The following OCA2 variants were observed in gnomAD, a reference collection of about 807,000 sequenced individuals.
OCA2 encodes P protein.
OCA2 carries 77 observed loss-of-function variants against 100.2 expected under a neutral mutation model. That is an observed-to-expected ratio of 0.77 (90% CI 0.64 to 0.93). The LOEUF is 0.93. OCA2 is among the 40% of genes least tolerant of loss of function. The probability of loss-of-function intolerance (pLI) is 0.00; values close to 1 mark genes in which losing one functional copy is unlikely to be tolerated. For synonymous variants in OCA2, 432 were observed against 439.2 expected (o/e 0.98, Z 0.21); for missense variants, 1,062 against 1,089.1 (o/e 0.98, Z 0.35).
chr15:27,824,600 CTCTATATA>C lies in OCA2; in HGVS notation c.2432+20351_2432+20358del, dbSNP rs1203172890. 3.5e-3 allele frequency among the ~76,000 whole-genome samples: 135 copies of C among 38,508 alleles called. 3 individuals are homozygous for C. Among genetic ancestry groups the C allele is most frequent in the African/African-American group, 0.03 (128 of 4,240 alleles). The allele number at this position is 38,508 out of a possible 152,430, so 25.3% of individuals were successfully genotyped here. On this transcript the variant is annotated intron_variant, in intron 23 of 23. Coordinates refer to ENST00000354638, the MANE Select transcript of OCA2 (RefSeq NM_000275.3). ...AATTTCTCTCTCTCTCTCTCTCTCTCTCTATATATATATATATATATAATATAATATAT... is the reference window on the plus strand; with the variant it reads ...AATTTCTCTCTCTCTCTCTCTCTCTCTATATATATATATAATATAATATAT...
At chr15:28,010,749 G>C (rs1364958487) in intron 9 of OCA2, among the ~76,000 whole-genome samples, 1 of 152,154 alleles carries the variant, frequency 6.6e-6, no homozygotes, top group Non-Finnish European at 1.5e-5. Context: ...CTAAAATGTG[G>C]ATGTCAAAGC....
intron 5 of OCA2, 92 bp from the exon 6 acceptor site, chr15:28,022,665 G>GT: frequency 2.2e-6 from 2 of 905,628 alleles, no homozygotes; most frequent in Non-Finnish European, 1.8e-6. Context: ...CAGATGTGAT[G>GT]ATGGGGCTAC....
At chr15:27,903,985 A>G (rs1400873632) in intron 19 of OCA2, among the ~76,000 whole-genome samples, 1 of 152,220 alleles carries the variant, frequency 6.6e-6, no homozygotes, top group East Asian at 1.9e-4. Context: ...GGGGATTTTT[A>G]AAAATAGTGC....
Position 27,932,385 on chromosome 15 carries a change from T to C in OCA2, c.1952-6131A>G, listed in dbSNP as rs1392909765. ...CAGATGCCTGGGGAAAAGACAAGCATGTAATGCGCCACCTGAGGAATAGGA... is the reference window on the plus strand; with the variant it reads ...CAGATGCCTGGGGAAAAGACAAGCACGTAATGCGCCACCTGAGGAATAGGA... On this transcript the variant is annotated intron_variant, in intron 18 of 23. Transcript: ENST00000354638. Among the ~76,000 whole-genome samples, 4 of 151,856 alleles carry C rather than the reference T, an allele frequency of 2.6e-5. No individual in the cohort carries two copies. The East Asian group carries it at 7.7e-4, about 29-fold the overall frequency.
intron 23 of OCA2, among the ~76,000 whole-genome samples, chr15:27,812,529 TAA>T (rs546950903): frequency 1.3e-5 from 2 of 152,264 alleles, no homozygotes; most frequent in East Asian, 3.9e-4. Flanking sequence ...TATCTTTCAT[TAA>T]AAAAAGATTA....
At chr15:27,990,293 C>T (rs1346777672) in intron 10 of OCA2, among the ~76,000 whole-genome samples, 1 of 152,208 alleles carries the variant, frequency 6.6e-6, no homozygotes, top group Non-Finnish European at 1.5e-5. Context: ...AGCCCCATCA[C>T]AACCCAGCTC....
At position 27,955,148 on chromosome 15, in the gene OCA2, A is replaced by G; in HGVS notation, c.1842+10T>C. 6.2e-7 allele frequency: 1 copy of G among 1,602,150 alleles called. No individual in the cohort carries two copies. Among genetic ancestry groups the G allele is most frequent in the Non-Finnish European group, 8.6e-7 (1 of 1,169,004 alleles). On this transcript the variant is annotated intron_variant, in intron 17 of 23. Coordinates refer to ENST00000354638, the MANE Select transcript of OCA2 (RefSeq NM_000275.3). ...GAATCAGAAATCCCTGAGGAAAGAAAGCTGGGTACCTTTTTTTGGAGTTCT... is the reference window on the plus strand; with the variant it reads ...GAATCAGAAATCCCTGAGGAAAGAAGGCTGGGTACCTTTTTTTGGAGTTCT...
intron 4 of OCA2, among the ~76,000 whole-genome samples, chr15:28,025,722 G>A (rs527673835): frequency 4.6e-5 from 7 of 152,364 alleles, no homozygotes; most frequent in South Asian, 2.1e-4. Context: ...CGGCTGCTCC[G>A]TGAGGGCAGG....
At chr15:27,864,614 T>C (rs1188680510) in intron 21 of OCA2, among the ~76,000 whole-genome samples, 1 of 152,006 alleles carries the variant, frequency 6.6e-6, no homozygotes, top group Non-Finnish European at 1.5e-5. Context: ...AGAAACTGCC[T>C]TCCACCCAGA....
At chr15:27,872,058 C>G in intron 19 of OCA2, 136 bp from the exon 20 acceptor site, 1 of 698,584 alleles carries the variant, frequency 1.4e-6, no homozygotes, top group South Asian at 1.6e-5. Flanking sequence ...AGATCAGACT[C>G]AAATACACAG....
At chr15:27,748,059 G>A in the OCA2 span, among the ~76,000 whole-genome samples, 2 of 152,158 alleles carry the variant, frequency 1.3e-5, no homozygotes, top group East Asian at 3.9e-4. Context: ...ACAGAAGACA[G>A]CCCAGATGGG....
chr15:27,922,640 T>G (rs1232021913), intron 19 of OCA2, among the ~76,000 whole-genome samples: 1 of 152,124 alleles, frequency 6.6e-6, no homozygotes, highest in Non-Finnish European at 1.5e-5. Flanking sequence ...TACAAAAATT[T>G]TATGCATTCA....
At chr15:28,064,851 T>C (rs1285137720) in intron 2 of OCA2, among the ~76,000 whole-genome samples, 1 of 142,470 alleles carries the variant, frequency 7.0e-6, no homozygotes, top group Non-Finnish European at 1.5e-5. Flanking sequence ...TTGTATGTCT[T>C]GGGGTTTTTT....
At chr15:27,930,882 C>G (rs527621685) in intron 18 of OCA2, among the ~76,000 whole-genome samples, 1 of 152,198 alleles carries the variant, frequency 6.6e-6, no homozygotes, top group African/African-American at 2.4e-5. Context: ...CCAGTAAACA[C>G]TGTAGACAAG....
At chr15:28,026,702 C>G (rs1195556046) in intron 4 of OCA2, among the ~76,000 whole-genome samples, 1 of 152,272 alleles carries the variant, frequency 6.6e-6, no homozygotes, top group Admixed American at 6.5e-5. Context: ...TATAGGATAG[C>G]GGATCCCTAC....
At chr15:27,929,709 A>C (rs990773975) in intron 18 of OCA2, among the ~76,000 whole-genome samples, 39 of 152,090 alleles carry the variant, frequency 2.6e-4, no homozygotes, top group African/African-American at 9.1e-4. Flanking sequence ...AATGCCACAA[A>C]CTGGGAGAAA....
intron 18 of OCA2, among the ~76,000 whole-genome samples, chr15:27,930,099 A>G (rs2039192824): frequency 6.6e-6 from 1 of 152,168 alleles, no homozygotes; most frequent in Non-Finnish European, 1.5e-5. Context: ...AACATGATCC[A>G]TACACCTACC....
At chr15:27,753,817 C>T (rs926875350), downstream of OCA2, among the ~76,000 whole-genome samples, 1 of 151,882 alleles carries the variant, frequency 6.6e-6, no homozygotes, top group African/African-American at 2.4e-5. Context: ...GAGGCACCAA[C>T]GAGGAGAGGC....
At chr15:27,989,526 C>G in intron 11 of OCA2, 75 bp downstream of exon 11, 1 of 1,202,024 alleles carries the variant, frequency 8.3e-7, no homozygotes, top group East Asian at 2.4e-5. Context: ...ATGAAGGACC[C>G]TCAGCGGTGG....
Sources: gnomAD v4.1 joint callset for allele counts (sites outside exome capture counted in the v4.1 genomes callset) on GRCh38, gnomAD v4.1.1 for gene constraint, MANE v1.5 for transcripts, NCBI Gene and HGNC (gene_info 2026-07-23, HGNC 2026-07-21) for gene names.